Variants in TMEM132B observed in about 807,000 individuals in gnomAD.
The protein encoded by TMEM132B is transmembrane protein 132B.
TMEM132B carries 18 observed loss-of-function variants against 90.8 expected under a neutral mutation model. That is an observed-to-expected ratio of 0.20 (90% CI 0.14 to 0.29). TMEM132B has a LOEUF of 0.29. Among genes scored for constraint, TMEM132B ranks in the 10% least tolerant of loss-of-function variants. The pLI is 1.00. For synonymous variants in TMEM132B, 504 were observed against 523.3 expected (o/e 0.96, Z 0.50); for missense variants, 1,096 against 1,326.8 (o/e 0.83, Z 2.70).
intron 5 of TMEM132B, among the ~76,000 whole-genome samples, chr12:125,592,064 C>T (rs1001744236): frequency 2.2e-4 from 33 of 152,118 alleles, no homozygotes; most frequent in African/African-American, 6.5e-4. Context: ...GAGGAGGTGA[C>T]TTTATGCTGC....
At chr12:125,528,344 CT>C (rs1457014745) in intron 4 of TMEM132B, among the ~76,000 whole-genome samples, 1 of 152,162 alleles carries the variant, frequency 6.6e-6, no homozygotes, top group Non-Finnish European at 1.5e-5. Flanking sequence ...ACCACATTAT[CT>C]TTCAAAAAGA....
At chr12:125,438,674 TC>T (rs1880772594) in intron 3 of TMEM132B, among the ~76,000 whole-genome samples, 1 of 33,954 alleles carries the variant, frequency 2.9e-5, no homozygotes, top group African/African-American at 4.4e-4. Flanking sequence ...TCCTCCTTCT[TC>T]CTTCCTTCCT....
At chr12:125,274,931 A>G (rs1434151246) in intron 1 of TMEM132B, among the ~76,000 whole-genome samples, 2 of 152,160 alleles carry the variant, frequency 1.3e-5, no homozygotes, top group Non-Finnish European at 2.9e-5. Flanking sequence ...CTGTCTCCCA[A>G]AAAATAAAAA....
intron 5 of TMEM132B, among the ~76,000 whole-genome samples, chr12:125,608,685 A>G (rs1349316941): frequency 1.3e-5 from 2 of 152,156 alleles, no homozygotes; most frequent in African/African-American, 2.4e-5. Flanking sequence ...TTCTTCTAAT[A>G]TTGTATAGTT....
intron 5 of TMEM132B, among the ~76,000 whole-genome samples, chr12:125,629,512 T>A (rs1428837395): frequency 6.6e-6 from 1 of 152,122 alleles, no homozygotes; most frequent in Non-Finnish European, 1.5e-5. Flanking sequence ...TTACTGGATT[T>A]GTTCATCAGT....
chr12:125,635,459 A>G (rs1182518005), intron 5 of TMEM132B, among the ~76,000 whole-genome samples: 1 of 152,120 alleles, frequency 6.6e-6, no homozygotes, highest in Admixed American at 6.5e-5. Flanking sequence ...TATCCCTTCA[A>G]TGGACACAAA....
intron 5 of TMEM132B, among the ~76,000 whole-genome samples, chr12:125,588,925 T>C (rs17528151): frequency 0.013 from 1,925 of 152,292 alleles, 25 homozygotes; most frequent in Middle Eastern, 0.02. Flanking sequence ...ATGTGGAGTT[T>C]AGAGGATGAT....
At chr12:125,653,487 A>G in intron 8 of TMEM132B, 78 bp from the exon 9 acceptor site, 3 of 1,436,124 alleles carry the variant, frequency 2.1e-6, no homozygotes, top group African/African-American at 2.9e-5. Context: ...TAAACAATTT[A>G]TATAGGAAAT....
intron 4 of TMEM132B, among the ~76,000 whole-genome samples, chr12:125,542,294 G>A (rs1592983801): frequency 1.3e-5 from 2 of 152,116 alleles, no homozygotes; most frequent in East Asian, 3.8e-4. Flanking sequence ...GGAAAATAAT[G>A]TCTTTAGATG....
intron 1 of TMEM132B, among the ~76,000 whole-genome samples, chr12:125,201,271 C>A (rs1421206523): frequency 6.6e-6 from 1 of 152,188 alleles, no homozygotes; most frequent in Non-Finnish European, 1.5e-5. Flanking sequence ...TCTATTTGAT[C>A]AATTTGCCTG....
intron 4 of TMEM132B, among the ~76,000 whole-genome samples, chr12:125,548,037 C>T (rs1029738662): frequency 6.6e-6 from 1 of 152,202 alleles, no homozygotes; most frequent in Admixed American, 6.5e-5. Context: ...TGTCTATATA[C>T]TTTCAGCCCA....
intron 3 of TMEM132B, among the ~76,000 whole-genome samples, chr12:125,495,124 A>G (rs1195462581): frequency 2.4e-4 from 14 of 57,330 alleles, no homozygotes; most frequent in Middle Eastern, 0.021. Context: ...CTCCTCCCTG[A>G]AAATGGCCGT....
intron 5 of TMEM132B, among the ~76,000 whole-genome samples, chr12:125,639,461 T>C (rs563883504): frequency 6.6e-6 from 1 of 152,348 alleles, no homozygotes; most frequent in Admixed American, 6.5e-5. Flanking sequence ...ACACTCAGCA[T>C]CTATTTATTG....
intron 5 of TMEM132B, among the ~76,000 whole-genome samples, chr12:125,613,090 C>A (rs1160529844): frequency 3.9e-4 from 18 of 46,232 alleles, no homozygotes; most frequent in Admixed American, 7.9e-4. Context: ...AAATATATAT[C>A]ATATATATTT....
intron 2 of TMEM132B, among the ~76,000 whole-genome samples, chr12:125,385,129 A>C (rs998298458): frequency 2.0e-5 from 3 of 152,244 alleles, no homozygotes; most frequent in African/African-American, 7.2e-5. Flanking sequence ...AAAAAATTTA[A>C]TGCTGGGCAT....
At chr12:125,256,108 G>T (rs1247741742) in intron 1 of TMEM132B, among the ~76,000 whole-genome samples, 1 of 152,152 alleles carries the variant, frequency 6.6e-6, no homozygotes, top group African/African-American at 2.4e-5. Flanking sequence ...ATCAAACTCT[G>T]AAGATCTTGC....
chr12:125,583,530 G>A lies in TMEM132B; in HGVS notation c.1294-321G>A, dbSNP rs74806492. On this transcript the variant is annotated intron_variant, in intron 4 of 8. Coordinates refer to ENST00000682704, the MANE Select transcript of TMEM132B (RefSeq NM_001366854.1). The stretch of plus-strand genomic sequence containing the variant: ...ATTTGAAAAATACTGAAAGGAACTC[G>A]TGTGCTATGTGTGAGTCTGTGGGAC... Among the ~76,000 whole-genome samples the A allele has an allele frequency of 2.0e-4, 31 of 152,284 alleles. No individual in the cohort carries two copies. In the East Asian group the frequency reaches 5.8e-3, roughly 28 times the overall value.
At chr12:125,356,284 G>A (rs191856971) in intron 2 of TMEM132B, among the ~76,000 whole-genome samples, 51 of 152,322 alleles carry the variant, frequency 3.3e-4, no homozygotes, top group African/African-American at 1.2e-3. Context: ...TCCTGACTCT[G>A]CCACATACCA....
chr12:125,580,194 A>C, intron 4 of TMEM132B, among the ~76,000 whole-genome samples: 1 of 152,182 alleles, frequency 6.6e-6, no homozygotes, highest in Admixed American at 6.5e-5. Flanking sequence ...AGCCCTAAGT[A>C]TGATTATGAT....
Sources: allele counts gnomAD v4.1 joint callset (sites outside exome capture counted in the v4.1 genomes callset), GRCh38; gene constraint gnomAD v4.1.1; transcripts MANE v1.5; gene names NCBI Gene and HGNC (gene_info 2026-07-23, HGNC 2026-07-21).